FSTL5: variants seen among roughly 807,000 people sequenced by gnomAD.
The protein encoded by FSTL5 is follistatin-related protein 5.
FSTL5 carries 62 observed loss-of-function variants against 89.1 expected under a neutral mutation model. The ratio of observed to expected loss-of-function variants is 0.70; its 90% confidence interval spans 0.57 to 0.86. The LOEUF (loss-of-function observed/expected upper bound fraction) is 0.86. FSTL5 is among the 40% of genes least tolerant of loss of function. The probability of loss-of-function intolerance (pLI) is 0.00; values close to 1 mark genes in which losing one functional copy is unlikely to be tolerated. For missense variants in FSTL5, 1,057 were observed against 1,001.6 expected (o/e 1.06, Z -0.75); for synonymous variants, 383 against 346.2 (o/e 1.11, Z -1.18).
In FSTL5 at chr4:162,141,273, T is replaced by C. The variant is rs1172941515; in HGVS notation, c.-17+22342A>G. ...CTGGGACTACAGGCGCGCACCACCA[T>C]GCCCGGCTAATTTTTGTATTTTTAG... On this transcript the variant is annotated intron_variant, in intron 1 of 15. Transcript: ENST00000306100. 9.8e-5 allele frequency among the ~76,000 whole-genome samples: 9 copies of C among 92,264 alleles called. 1 individual carries two copies. Among genetic ancestry groups the C allele is most frequent in the Non-Finnish European group, 1.5e-4 (6 of 40,330 alleles). The allele number at this position is 92,264 out of a possible 152,430, so 60.5% of individuals were successfully genotyped here.
At chr4:161,898,563 A>C (rs1308416035) in intron 4 of FSTL5, among the ~76,000 whole-genome samples, 1 of 149,686 alleles carries the variant, frequency 6.7e-6, no homozygotes, top group Non-Finnish European at 1.5e-5. Context: ...TCATTTATAT[A>C]TTTGCAATTT....
chr4:161,969,408 T>C (rs1157580934), intron 3 of FSTL5, among the ~76,000 whole-genome samples: 2 of 152,154 alleles, frequency 1.3e-5, no homozygotes, highest in Non-Finnish European at 2.9e-5. Flanking sequence ...AGAGCAGCGA[T>C]CTATCTATAG....
At chr4:161,991,940 C>A (rs1736124101) in intron 3 of FSTL5, among the ~76,000 whole-genome samples, 2 of 152,162 alleles carry the variant, frequency 1.3e-5, no homozygotes, top group South Asian at 4.1e-4. Context: ...ACCATGCTGA[C>A]AACTGGGCAA....
At chr4:161,857,802 C>CT (rs1377942143) in intron 4 of FSTL5, among the ~76,000 whole-genome samples, 3 of 152,042 alleles carry the variant, frequency 2.0e-5, no homozygotes, top group Non-Finnish European at 4.4e-5. Flanking sequence ...TTCCTTGTCT[C>CT]TTTTTTTCCC....
chr4:161,484,683 A>C (rs1729619719), intron 12 of FSTL5, among the ~76,000 whole-genome samples: 1 of 152,178 alleles, frequency 6.6e-6, no homozygotes, highest in African/African-American at 2.4e-5. Context: ...GTGGCCTCAG[A>C]ATTTCTAATT....
chr4:161,795,618 T>A (rs1362816444), intron 4 of FSTL5, among the ~76,000 whole-genome samples: 1 of 152,060 alleles, frequency 6.6e-6, no homozygotes, highest in Non-Finnish European at 1.5e-5. Flanking sequence ...CACACAGATA[T>A]GAGTTTATTT....
chr4:161,837,058 T>C (rs929672124), intron 4 of FSTL5, among the ~76,000 whole-genome samples: 4 of 152,148 alleles, frequency 2.6e-5, no homozygotes, highest in African/African-American at 9.7e-5. Context: ...GAACAGGTTT[T>C]TAATTTAAGA....
chr4:161,843,187 A>G (rs1013974373), intron 4 of FSTL5, among the ~76,000 whole-genome samples: 4 of 152,146 alleles, frequency 2.6e-5, no homozygotes, highest in African/African-American at 9.7e-5. Flanking sequence ...CTAAAAAGTT[A>G]GGTGATAGCA....
At chr4:162,105,554 G>A (rs1731193996) in intron 2 of FSTL5, among the ~76,000 whole-genome samples, 1 of 151,712 alleles carries the variant, frequency 6.6e-6, no homozygotes, top group Non-Finnish European at 1.5e-5. Flanking sequence ...AAACGGGTAG[G>A]ATGGTGTCAG....
At chr4:161,490,871 A>T (rs1197063076) in intron 12 of FSTL5, among the ~76,000 whole-genome samples, 3 of 152,140 alleles carry the variant, frequency 2.0e-5, no homozygotes. Flanking sequence ...GAATTGTTAT[A>T]CATGTATACC....
At position 161,385,780 on chromosome 4, in the gene FSTL5, T is replaced by G. The variant is rs1730600194; in HGVS notation, c.2511A>C (p.Lys837Asn). 1 of 1,606,162 alleles carries G rather than the reference T, an allele frequency of 6.2e-7. No individual in the cohort carries two copies. ...KLNCEITEVEKGNTVIWVGDA is the reference protein window; with the variant it reads ...KLNCEITEVENGNTVIWVGDA ...CTCCAACCCAAATGACTGTATTTCC[T>G]TTTTCAACTTCAGTGATCTCACAGT... The change falls in exon 16 of 16, where the codon AAA (lysine) becomes AAC (asparagine). Residue 837 changes from lysine to asparagine, a missense_variant. By Grantham distance (94) the Lys-to-Asn change is moderately conservative. This residue lies in a region of FSTL5 where 68 missense variants were observed against 73.3 expected (regional missense o/e 0.93). Coordinates refer to ENST00000306100, the MANE Select transcript of FSTL5 (RefSeq NM_020116.5).
chr4:162,042,993 G>A (rs561766768), intron 2 of FSTL5, among the ~76,000 whole-genome samples: 4 of 150,846 alleles, frequency 2.7e-5, no homozygotes, highest in African/African-American at 9.7e-5. Flanking sequence ...TATACCTAAT[G>A]CTAGATGACG....
intron 9 of FSTL5, among the ~76,000 whole-genome samples, chr4:161,539,084 T>C (rs35344560): frequency 0.021 from 3,120 of 152,194 alleles, 32 homozygotes; most frequent in Non-Finnish European, 0.031. Context: ...GTTGAGTGTT[T>C]GTTATAGTCA....
At chr4:161,505,232 C>T (rs900596857) in intron 11 of FSTL5, among the ~76,000 whole-genome samples, 4 of 152,096 alleles carry the variant, frequency 2.6e-5, no homozygotes, top group Non-Finnish European at 5.9e-5. Context: ...TAACTCAGCA[C>T]GGATAGATCT....
chr4:162,099,034 T>C (rs1399621709), intron 2 of FSTL5, among the ~76,000 whole-genome samples: 1 of 152,140 alleles, frequency 6.6e-6, no homozygotes, highest in Non-Finnish European at 1.5e-5. Flanking sequence ...TATTAGGACA[T>C]GATTGTATAA....
At chr4:161,695,801 T>C (rs182012315) in intron 6 of FSTL5, among the ~76,000 whole-genome samples, 114 of 152,230 alleles carry the variant, frequency 7.5e-4, no homozygotes, top group Non-Finnish European at 1.1e-3. Context: ...AGCCCACTTT[T>C]CGATGGGATT....
intron 3 of FSTL5, among the ~76,000 whole-genome samples, chr4:161,970,450 T>C (rs2111011707): frequency 6.6e-6 from 1 of 152,194 alleles, no homozygotes; most frequent in African/African-American, 2.4e-5. Context: ...TATGTAATGT[T>C]TTGAAATGCA....
intron 2 of FSTL5, among the ~76,000 whole-genome samples, chr4:162,038,617 T>C (rs924221803): frequency 3.3e-5 from 5 of 151,840 alleles, no homozygotes; most frequent in Non-Finnish European, 7.4e-5. Context: ...CTGGGCTGAA[T>C]GTGACCACAC....
At chr4:161,468,133 T>C (rs754634377) in intron 13 of FSTL5, among the ~76,000 whole-genome samples, 1 of 152,126 alleles carries the variant, frequency 6.6e-6, no homozygotes, top group Non-Finnish European at 1.5e-5. Context: ...AACCCTTTTT[T>C]ATAATTGACA....
Sources: allele counts gnomAD v4.1 joint callset (sites outside exome capture counted in the v4.1 genomes callset), GRCh38; gene constraint gnomAD v4.1.1; regional missense constraint gnomAD v4.1.1; transcripts MANE v1.5; gene names NCBI Gene and HGNC (gene_info 2026-07-23, HGNC 2026-07-21).